SLCO1A2: variants seen among roughly 807,000 people sequenced by gnomAD.
SLCO1A2 encodes the protein OATP-1.
Under a neutral mutation model 69.0 loss-of-function variants are expected in SLCO1A2, and 67 were observed. The observed-to-expected ratio is 0.97, with a 90% confidence interval of 0.80 to 1.19. SLCO1A2 has a LOEUF of 1.19. Among genes scored for constraint, SLCO1A2 ranks in the 50% most tolerant of loss-of-function variants. The probability of loss-of-function intolerance (pLI) is 0.00; values close to 1 mark genes in which losing one functional copy is unlikely to be tolerated. For missense variants in SLCO1A2, 787 were observed against 793.7 expected (o/e 0.99, Z 0.10); for synonymous variants, 260 against 265.9 (o/e 0.98, Z 0.22).
intron 1 of SLCO1A2, among the ~76,000 whole-genome samples, chr12:21,384,890 C>G (rs1018611761): frequency 1.3e-5 from 2 of 151,570 alleles, no homozygotes; most frequent in Non-Finnish European, 2.9e-5. Context: ...CTCGGCTTCC[C>G]GAGTAGCTGG....
At chr12:21,418,713 G>A (rs192959099), upstream of SLCO1A2, among the ~76,000 whole-genome samples, 392 of 152,150 alleles carry the variant, frequency 2.6e-3, 2 homozygotes, top group Non-Finnish European at 2.6e-3. Context: ...AATTATGGGA[G>A]CTACAACTCA....
chr12:21,413,722 G>T (rs978473232), intron 1 of SLCO1A2, among the ~76,000 whole-genome samples: 1 of 151,972 alleles, frequency 6.6e-6, no homozygotes, highest in Admixed American at 6.6e-5. Flanking sequence ...TCCCTTGCTG[G>T]AGCAAGTCAA....
chr12:21,349,658 A>T (rs533232919), intron 2 of SLCO1A2, among the ~76,000 whole-genome samples: 1 of 152,182 alleles, frequency 6.6e-6, no homozygotes, highest in African/African-American at 2.4e-5. Context: ...TACCTCTCAA[A>T]CTTCATTTTG....
In SLCO1A2 at chr12:21,297,040, CAA is replaced by C. The variant is rs542245787; in HGVS notation, c.1075+362_1075+363del. Among the ~76,000 whole-genome samples, 9 of 152,094 alleles carry C rather than the reference CAA, an allele frequency of 5.9e-5. No homozygotes were observed. The East Asian group carries it at 1.4e-3, about 23-fold the overall frequency. Reference sequence around the variant, plus strand: ...GAACATAGAATCCTTGAACTGGAACCAAAAAGAGTAAAATTTGGTAGTAAAAT... The same window carrying C: ...GAACATAGAATCCTTGAACTGGAACCAAAGAGTAAAATTTGGTAGTAAAAT... On this transcript the variant is annotated intron_variant, in intron 9 of 14. Coordinates refer to ENST00000683939, the MANE Select transcript of SLCO1A2 (RefSeq NM_001386879.1).
intron 2 of SLCO1A2, among the ~76,000 whole-genome samples, chr12:21,357,460 C>G (rs1207932157): frequency 6.6e-6 from 1 of 152,204 alleles, no homozygotes; most frequent in African/African-American, 2.4e-5. Flanking sequence ...GACTTCTTGC[C>G]TCCAGAACTG....
intron 4 of SLCO1A2, among the ~76,000 whole-genome samples, chr12:21,314,088 G>C (rs992698972): frequency 9.2e-5 from 14 of 151,954 alleles, no homozygotes; most frequent in African/African-American, 3.4e-4. Context: ...TGACAAGGGA[G>C]ACCTTTTTGT....
At chr12:21,348,710 G>A (rs1355957115) in intron 2 of SLCO1A2, among the ~76,000 whole-genome samples, 1 of 152,138 alleles carries the variant, frequency 6.6e-6, no homozygotes, top group Non-Finnish European at 1.5e-5. Flanking sequence ...ATCAAAGCCA[G>A]AAGACATCTT....
chr12:21,274,494 T>G lies in SLCO1A2; in HGVS notation c.1768A>C (p.Arg590=), dbSNP rs1439464154. ...TLKCGESGAC[R]IYDSTTFRYI... ...CTGAAGGTGGTGGAATCATATATCC[T>G]GCATGCCCCTGACTCACCACATTTC... Residue 590 remains arginine, a synonymous_variant, in exon 14 of 15, where the codon AGG becomes CGG. Transcript: ENST00000683939. 6.2e-7 allele frequency: 1 copy of G among 1,612,330 alleles called. No homozygotes were observed. The highest frequency in any genetic ancestry group is 1.1e-5 in the South Asian group (1 of 91,042).
upstream of SLCO1A2, among the ~76,000 whole-genome samples, chr12:21,336,025 G>C (rs1952874872): frequency 6.6e-6 from 1 of 152,070 alleles, no homozygotes; most frequent in African/African-American, 2.4e-5. Context: ...GAACCAGACA[G>C]TGTAGAAGGA....
intron 8 of SLCO1A2, among the ~76,000 whole-genome samples, chr12:21,299,297 G>A (rs1948209388): frequency 6.6e-6 from 1 of 151,946 alleles, no homozygotes; most frequent in Non-Finnish European, 1.5e-5. Flanking sequence ...TAAATACTTA[G>A]GCTATCTTAG....
chr12:21,381,790 G>A lies in SLCO1A2; in HGVS notation c.-189-7265C>T, dbSNP rs369143982. 9.2e-5 allele frequency among the ~76,000 whole-genome samples: 14 copies of A among 152,102 alleles called. No homozygotes were observed. In the South Asian group the frequency reaches 1.5e-3, roughly 16 times the overall value. On this transcript the variant is annotated intron_variant, in intron 1 of 15. Coordinates refer to the SLCO1A2 transcript ENST00000307378. The stretch of plus-strand genomic sequence containing the variant: ...CAGCCTGGCTACAGAGCGAGACTCC[G>A]TCTCAAAAAGAAAAAAAAGAAAAAA...
chr12:21,367,466 C>T (rs1939476826), intron 2 of SLCO1A2, among the ~76,000 whole-genome samples: 2 of 151,924 alleles, frequency 1.3e-5, no homozygotes, highest in South Asian at 4.2e-4. Context: ...AGAAAGATTT[C>T]CATGAGAATG....
rs183577216 is a variant in SLCO1A2, at chr12:21,381,837, G to A, written c.-189-7312C>T. Among the ~76,000 whole-genome samples the A allele has an allele frequency of 1.6e-3, 241 of 152,212 alleles. No individual in the cohort carries two copies. In the Middle Eastern group the frequency reaches 0.02, roughly 13 times the overall value. On this transcript the variant is annotated intron_variant, in intron 1 of 15. Coordinates refer to the SLCO1A2 transcript ENST00000307378. ...AAAAGTAGAAAAACAATAGATATTC[G>A]TGTAAATGTGGGGAAAAAGAAATGC... is the stretch of plus-strand genomic sequence containing the variant.
chr12:21,295,663 T>C lies in SLCO1A2; in HGVS notation c.1205A>G (p.Tyr402Cys). 1 of 1,606,634 alleles carries C rather than the reference T, an allele frequency of 6.2e-7. No homozygotes were observed. Among genetic ancestry groups the C allele is most frequent in the Non-Finnish European group, 8.5e-7 (1 of 1,173,666 alleles). ...CWLSLLEYLL[Y>C]FLSFLMTCEN... ...ACAAGTCATGAGAAAAGATAAAAAA[T>C]AGAGAAGATACTCAAGTAAGGATAA... Residue 402 changes from tyrosine to cysteine, a missense_variant, in exon 10 of 15, where the codon TAT becomes TGT. Tyr to Cys is a radical substitution (Grantham distance 194). Transcript: ENST00000683939.
chr12:21,396,585 G>T (rs1255406269), upstream of SLCO1A2, among the ~76,000 whole-genome samples: 43 of 151,662 alleles, frequency 2.8e-4, no homozygotes, highest in African/African-American at 3.4e-4. Flanking sequence ...TTCACCAAAG[G>T]TGAAATGAAG....
rs977440877 is a variant in SLCO1A2, at chr12:21,403,009, G to A, written c.-312+14873C>T. On this transcript the variant is annotated intron_variant, in intron 1 of 4. Coordinates refer to the SLCO1A2 transcript ENST00000413682. ...GTTCTGAGATTTCCAGAGAGAGAGAGACATGTGAAGAACACGGGGCTTGAT... is the reference window on the plus strand; with the variant it reads ...GTTCTGAGATTTCCAGAGAGAGAGAAACATGTGAAGAACACGGGGCTTGAT... 5.3e-5 allele frequency among the ~76,000 whole-genome samples: 8 copies of A among 152,100 alleles called. No individual in the cohort carries two copies. The East Asian group carries it at 1.3e-3, about 26-fold the overall frequency.
chr12:21,388,464 T>C (rs1050985928), intron 1 of SLCO1A2, among the ~76,000 whole-genome samples: 4 of 152,174 alleles, frequency 2.6e-5, no homozygotes, highest in Non-Finnish European at 5.9e-5. Flanking sequence ...GATGATTGTA[T>C]AAAGGGCAGT....
rs1486618225 is a variant in SLCO1A2, at chr12:21,264,939, C to T, written c.*4609G>A. On this transcript the variant is annotated 3_prime_UTR_variant, in exon 15 of 15. Coordinates refer to ENST00000683939, the MANE Select transcript of SLCO1A2 (RefSeq NM_001386879.1). The stretch of plus-strand genomic sequence containing the variant: ...TGGTGACAATGGAGGCACTGCCCAT[C>T]TTCCCATGACTCTCTGAAACAGGCA... 6.6e-6 allele frequency: 1 copy of T among 152,340 alleles called. No individual in the cohort carries two copies. The highest frequency in any genetic ancestry group is 1.5e-5 in the Non-Finnish European group (1 of 68,164). 9.4% of individuals were successfully genotyped at this position (152,340 alleles called of 1,614,324 possible). A position where few individuals can be genotyped will look rare whatever the true frequency, so the allele number is the denominator to read the frequency against.
intron 2 of SLCO1A2, chr12:21,324,518 T>A (rs553552182): frequency 6.6e-6 from 1 of 152,186 alleles, no homozygotes; most frequent in Non-Finnish European, 1.5e-5. Context: ...GTGTCTCCAA[T>A]TGTCCTGTTA....
Sources: allele counts gnomAD v4.1 joint callset (sites outside exome capture counted in the v4.1 genomes callset), GRCh38; gene constraint gnomAD v4.1.1; transcripts MANE v1.5; gene names NCBI Gene and HGNC (gene_info 2026-07-23, HGNC 2026-07-21).